GALNT2: variants seen among roughly 807,000 people sequenced by gnomAD.
GALNT2 encodes the protein UDP-GalNAc:polypeptide N-acetylgalactosaminyltransferase 2.
A neutral mutation model predicts 81.4 loss-of-function variants in GALNT2; 31 were observed. The ratio of observed to expected loss-of-function variants is 0.38; its 90% CI spans 0.29 to 0.51. The LOEUF (loss-of-function observed/expected upper bound fraction) is 0.51, where lower values mean the gene tolerates loss of function less well. Among genes scored for constraint, GALNT2 ranks in the 20% least tolerant of loss-of-function variants. The pLI is 0.87. For missense variants in GALNT2, 629 were observed against 765.7 expected (o/e 0.82, Z 2.11); for synonymous variants, 303 against 287.4 (o/e 1.05, Z -0.55).
At chr1:230,137,475 G>T (rs1027089876) in intron 1 of GALNT2, among the ~76,000 whole-genome samples, 1 of 152,248 alleles carries the variant, frequency 6.6e-6, no homozygotes, top group Non-Finnish European at 1.5e-5. Context: ...CTGAGAGGGT[G>T]CTTGCTGGGT....
chr1:230,091,691 G>A (rs1660088153), intron 1 of GALNT2: 2 of 152,324 alleles, frequency 1.3e-5, no homozygotes, highest in South Asian at 4.1e-4. Context: ...GGAGGCGGTA[G>A]AAGCACCAGC....
At chr1:230,091,284 C>T (rs540755156) in intron 1 of GALNT2, among the ~76,000 whole-genome samples, 1 of 151,762 alleles carries the variant, frequency 6.6e-6, no homozygotes, top group East Asian at 1.9e-4. Flanking sequence ...CCGTGTTGGC[C>T]AGGATGGTCT....
At chr1:230,270,674 G>A (rs746062438) in intron 14 of GALNT2, among the ~76,000 whole-genome samples, 3 of 152,186 alleles carry the variant, frequency 2.0e-5, no homozygotes, top group Non-Finnish European at 2.9e-5. Context: ...GATGAGAAAC[G>A]AGAGGGTAAG....
intron 1 of GALNT2, among the ~76,000 whole-genome samples, chr1:230,122,820 A>G (rs1661059459): frequency 1.3e-5 from 2 of 152,174 alleles, no homozygotes; most frequent in African/African-American, 4.8e-5. Flanking sequence ...TATAGTGCAT[A>G]TTTATGTCTG....
chr1:230,224,343 G>A (rs1028728602), intron 3 of GALNT2, among the ~76,000 whole-genome samples: 8 of 152,212 alleles, frequency 5.3e-5, no homozygotes, highest in South Asian at 4.1e-4. Flanking sequence ...TAATAATTTA[G>A]TCTCTCTGAA....
chr1:230,109,994 G>A (rs1660656799), intron 1 of GALNT2, among the ~76,000 whole-genome samples: 1 of 152,224 alleles, frequency 6.6e-6, no homozygotes, highest in African/African-American at 2.4e-5. Context: ...GATCAGAGAT[G>A]TGAAACAGAC....
chr1:230,122,614 C>CTG (rs3033644), intron 1 of GALNT2, among the ~76,000 whole-genome samples: 170 of 150,914 alleles, frequency 1.1e-3, no homozygotes, highest in Non-Finnish European at 1.5e-3. Context: ...AAGGGTGGCT[C>CTG]TGTGTGTGTG....
intron 10 of GALNT2, among the ~76,000 whole-genome samples, chr1:230,253,774 C>T (rs191921975): frequency 6.6e-6 from 1 of 152,140 alleles, no homozygotes; most frequent in Non-Finnish European, 1.5e-5. Context: ...AGAACACAAG[C>T]AAGATCCCTC....
intron 3 of GALNT2, among the ~76,000 whole-genome samples, chr1:230,211,849 G>A (rs1020207068): frequency 1.3e-5 from 2 of 152,160 alleles, no homozygotes; most frequent in African/African-American, 2.4e-5. Context: ...TGATGATGTC[G>A]TATACCAGTT....
At chr1:230,247,349 G>A (rs553226572) in intron 8 of GALNT2, among the ~76,000 whole-genome samples, 5 of 152,200 alleles carry the variant, frequency 3.3e-5, no homozygotes, top group East Asian at 3.9e-4. Context: ...TGCAGGCCCC[G>A]TCATCATGGG....
chr1:230,176,862 C>T (rs945897205), intron 1 of GALNT2, among the ~76,000 whole-genome samples: 2 of 152,108 alleles, frequency 1.3e-5, no homozygotes, highest in African/African-American at 4.8e-5. Flanking sequence ...GTACATGGGG[C>T]ACTTAAAGGC....
At chr1:230,106,638 G>C (rs886333606) in intron 1 of GALNT2, among the ~76,000 whole-genome samples, 1 of 152,222 alleles carries the variant, frequency 6.6e-6, no homozygotes, top group African/African-American at 2.4e-5. Context: ...GCAGGCATTC[G>C]TAAGAGTGCA....
intron 3 of GALNT2, among the ~76,000 whole-genome samples, chr1:230,218,125 A>G (rs1425615424): frequency 6.6e-6 from 1 of 152,246 alleles, no homozygotes; most frequent in Non-Finnish European, 1.5e-5. Flanking sequence ...AGCCAAGATG[A>G]CAGTGGCTAA....
rs1233031312 is a variant in GALNT2, at chr1:230,262,909, C to T, written c.1230-13C>T. Reference sequence around the variant, plus strand: ...TAAAATTTATAAAGGAATCTTATTTCCCTCTTCTCCAGTATTCAGAGCAGA... The same window carrying T: ...TAAAATTTATAAAGGAATCTTATTTTCCTCTTCTCCAGTATTCAGAGCAGA... On this transcript the variant is annotated splice_polypyrimidine_tract_variant and intron_variant, in intron 12 of 15. Coordinates refer to ENST00000366672, the MANE Select transcript of GALNT2 (RefSeq NM_004481.5). 6.8e-6 allele frequency: 11 copies of T among 1,608,988 alleles called. No individual in the cohort carries two copies. The highest frequency in any genetic ancestry group is 8.5e-6 in the Non-Finnish European group (10 of 1,176,100).
At chr1:230,219,768 C>G (rs1313307116) in intron 3 of GALNT2, among the ~76,000 whole-genome samples, 2 of 152,162 alleles carry the variant, frequency 1.3e-5, no homozygotes, top group African/African-American at 2.4e-5. Flanking sequence ...TTCTCCACTG[C>G]CCTTCTAAAC....
chr1:230,248,658 T>G (rs1443129031), intron 8 of GALNT2, among the ~76,000 whole-genome samples: 1 of 152,218 alleles, frequency 6.6e-6, no homozygotes, highest in Non-Finnish European at 1.5e-5. Flanking sequence ...CATTTTCCCT[T>G]AAAGTTTTCA....
At chr1:230,184,546 C>G (rs1285450542) in intron 2 of GALNT2, among the ~76,000 whole-genome samples, 1 of 151,792 alleles carries the variant, frequency 6.6e-6, no homozygotes, top group Non-Finnish European at 1.5e-5. Flanking sequence ...TTTCTCTGAG[C>G]CCTTTAAATA....
At chr1:230,116,508 G>A (rs1035753170) in intron 1 of GALNT2, among the ~76,000 whole-genome samples, 2 of 152,212 alleles carry the variant, frequency 1.3e-5, no homozygotes, top group Non-Finnish European at 2.9e-5. Context: ...GATTACAGGC[G>A]TGAGCCACTG....
chr1:230,146,977 G>A (rs1205100157), intron 1 of GALNT2, among the ~76,000 whole-genome samples: 2 of 152,224 alleles, frequency 1.3e-5, no homozygotes, highest in African/African-American at 4.8e-5. Flanking sequence ...CGTGGCAGGG[G>A]ACAGACAGGA....
Sources: gnomAD v4.1 joint callset for allele counts (sites outside exome capture counted in the v4.1 genomes callset) on GRCh38, gnomAD v4.1.1 for gene constraint, MANE v1.5 for transcripts, NCBI Gene and HGNC (gene_info 2026-07-23, HGNC 2026-07-21) for gene names.